The following PRKAG2 variants were observed in gnomAD, a reference collection of about 807,000 sequenced individuals.
PRKAG2 encodes 5'-AMP-activated protein kinase subunit gamma-2.
In PRKAG2, 26 loss-of-function variants were observed where a neutral mutation model predicts 69.6. The observed-to-expected ratio is 0.37, with a 90% CI of 0.27 to 0.52. The LOEUF (loss-of-function observed/expected upper bound fraction) is 0.52. Among genes scored for constraint, PRKAG2 ranks in the 20% least tolerant of loss-of-function variants. The pLI, the probability that PRKAG2 is intolerant of heterozygous loss-of-function variation, is 0.90. For synonymous variants in PRKAG2, 293 were observed against 285.0 expected (o/e 1.03, Z -0.28); for missense variants, 557 against 740.0 (o/e 0.75, Z 2.87).
chr7:151,631,745 C>G (rs937625427), intron 5 of PRKAG2: 2 of 468,530 alleles, frequency 4.3e-6, no homozygotes, highest in Non-Finnish European at 8.5e-6. Flanking sequence ...CAAGCACAAA[C>G]AATTAGCGCT....
At position 151,671,724 on chromosome 7, in the gene PRKAG2, G is replaced by A. The variant is rs944256046; in HGVS notation, c.684+3696C>T. Reference sequence around the variant, plus strand: ...ACCTGCTGCCAGGATGCTGAAAGCAGAAAGGGCTTGAGCCAAACCTTGGCC... The same window carrying A: ...ACCTGCTGCCAGGATGCTGAAAGCAAAAAGGGCTTGAGCCAAACCTTGGCC... On this transcript the variant is annotated intron_variant, in intron 4 of 15. Transcript: ENST00000287878. 5.3e-5 allele frequency among the ~76,000 whole-genome samples: 8 copies of A among 152,278 alleles called. No homozygotes were observed. The East Asian group carries it at 9.6e-4, about 18-fold the overall frequency.
intron 3 of PRKAG2, among the ~76,000 whole-genome samples, chr7:151,700,613 G>T (rs1157952033): frequency 2.0e-5 from 3 of 152,166 alleles, no homozygotes; most frequent in African/African-American, 7.2e-5. Context: ...GAGGTTCCAG[G>T]TAATGCCAGG....
chr7:151,623,085 G>A, intron 5 of PRKAG2, among the ~76,000 whole-genome samples: 1 of 152,146 alleles, frequency 6.6e-6, no homozygotes, highest in East Asian at 1.9e-4. Context: ...TCATAAGGAA[G>A]GCTGGGCACG....
At chr7:151,656,127 A>G (rs1469104612) in intron 4 of PRKAG2, among the ~76,000 whole-genome samples, 2 of 152,348 alleles carry the variant, frequency 1.3e-5, no homozygotes, top group East Asian at 1.9e-4. Context: ...TTTAAAAATT[A>G]TAAGTACATA....
intron 3 of PRKAG2, among the ~76,000 whole-genome samples, chr7:151,735,466 G>C (rs1035971201): frequency 6.6e-6 from 1 of 152,060 alleles, no homozygotes; most frequent in East Asian, 1.9e-4. Flanking sequence ...ATTAGCCCAC[G>C]ATCTGTCAGA....
intron 5 of PRKAG2, among the ~76,000 whole-genome samples, chr7:151,618,303 A>C (rs2151258325): frequency 6.6e-6 from 1 of 152,144 alleles, no homozygotes; most frequent in East Asian, 1.9e-4. Context: ...AAGTACAAAA[A>C]TTAGCCGGGC....
intron 3 of PRKAG2, among the ~76,000 whole-genome samples, chr7:151,729,107 T>C (rs1393331428): frequency 7.3e-6 from 1 of 137,528 alleles, no homozygotes; most frequent in East Asian, 2.1e-4. Context: ...GACAGTGACG[T>C]AGGGAGAACA....
At chr7:151,860,302 T>C (rs544060255) in intron 1 of PRKAG2, among the ~76,000 whole-genome samples, 2 of 152,250 alleles carry the variant, frequency 1.3e-5, no homozygotes, top group Admixed American at 1.3e-4. Flanking sequence ...TTTGCGCCAT[T>C]TGCAGCAGAG....
In PRKAG2 at chr7:151,583,562, TA is replaced by T. The variant is rs1810974819; in HGVS notation, c.865-7111del. On this transcript the variant is annotated intron_variant, in intron 6 of 15. Coordinates refer to ENST00000287878, the MANE Select transcript of PRKAG2 (RefSeq NM_016203.4). The surrounding 1 kb of genome is among the most constrained non-coding windows in gnomAD (Gnocchi z 4.1). Reference sequence around the variant, plus strand: ...GCATGGAGCTGTTTATAAAGCAATTTAAAATCATACTTGGAAAATTCTCCAT... The same window carrying T: ...GCATGGAGCTGTTTATAAAGCAATTTAAATCATACTTGGAAAATTCTCCAT... Among the ~76,000 whole-genome samples the T allele has an allele frequency of 6.6e-6, 1 of 152,180 alleles. No individual in the cohort carries two copies. The highest frequency in any genetic ancestry group is 2.1e-4 in the South Asian group (1 of 4,834).
chr7:151,680,688 T>C (rs1006330819), intron 3 of PRKAG2, among the ~76,000 whole-genome samples: 24 of 152,216 alleles, frequency 1.6e-4, no homozygotes, highest in African/African-American at 5.8e-4. Context: ...TGCTTTGCTT[T>C]TGAGCCAAGA....
intron 1 of PRKAG2, among the ~76,000 whole-genome samples, chr7:151,865,836 G>T (rs536879761): frequency 6.6e-6 from 1 of 152,024 alleles, no homozygotes; most frequent in South Asian, 2.1e-4. Flanking sequence ...TGGCTAACAC[G>T]GTGAAACCCC....
In PRKAG2 at chr7:151,614,071, C is replaced by CG. The variant is rs1394834548; in HGVS notation, c.754+17997dup. Among the ~76,000 whole-genome samples, 1 of 152,112 alleles carries CG rather than the reference C, an allele frequency of 6.6e-6. No homozygotes were observed. Among genetic ancestry groups the CG allele is most frequent in the Non-Finnish European group, 1.5e-5 (1 of 68,000 alleles). ...ACCTTACCTCCAACTCAGACACCCC[C>CG]GCTCCAGTGACCAACTCTCTGGTCT... On this transcript the variant is annotated intron_variant, in intron 5 of 15. Transcript: ENST00000287878. This position sits in a 1 kb window ranked among gnomAD's most constrained non-coding sequence, Gnocchi z 4.4.
At chr7:151,841,985 CGTAGTG>C (rs1278486176) in intron 1 of PRKAG2, among the ~76,000 whole-genome samples, 2 of 48,508 alleles carry the variant, frequency 4.1e-5, no homozygotes, top group African/African-American at 1.7e-4. Flanking sequence ...AGTGATGGTA[CGTAGTG>C]ATGGTAGGTA....
chr7:151,689,077 C>T (rs1835221656), intron 3 of PRKAG2, among the ~76,000 whole-genome samples: 1 of 152,204 alleles, frequency 6.6e-6, no homozygotes, highest in African/African-American at 2.4e-5. Flanking sequence ...GATCACGCCT[C>T]GCTGGGACCC....
chr7:151,706,724 G>A (rs139719982), intron 3 of PRKAG2, among the ~76,000 whole-genome samples: 61 of 152,372 alleles, frequency 4.0e-4, no homozygotes, highest in African/African-American at 1.1e-3. Context: ...CAGACTAGGC[G>A]TTAGCTGTGG....
intron 5 of PRKAG2, among the ~76,000 whole-genome samples, chr7:151,601,325 C>T (rs899535667): frequency 2.0e-5 from 3 of 152,174 alleles, no homozygotes; most frequent in Non-Finnish European, 2.9e-5. Context: ...CCTTCTATCT[C>T]GTTAACAGTG....
At chr7:151,779,354 C>G (rs1343431266) in intron 3 of PRKAG2, among the ~76,000 whole-genome samples, 1 of 152,196 alleles carries the variant, frequency 6.6e-6, no homozygotes, top group African/African-American at 2.4e-5. Context: ...TGCTGGGCTC[C>G]CAAAGGGACC....
Position 151,576,469 on chromosome 7 carries a change from G to C in PRKAG2, c.865-17C>G. On this transcript the variant is annotated splice_polypyrimidine_tract_variant and intron_variant, in intron 6 of 15. Coordinates refer to ENST00000287878, the MANE Select transcript of PRKAG2 (RefSeq NM_016203.4). ...CTTTTTAACCTGAAGAAAAAGAGGA[G>C]AAACAAAACATACTTTCAAAGTCCA... is the stretch of plus-strand genomic sequence containing the variant. 1 of 1,553,928 alleles carries C rather than the reference G, an allele frequency of 6.4e-7. No individual in the cohort carries two copies. Among genetic ancestry groups the C allele is most frequent in the Middle Eastern group, 1.7e-4 (1 of 5,966 alleles).
In PRKAG2 at chr7:151,754,709, C is replaced by A. The variant is rs1417843004; in HGVS notation, c.466+26443G>T. The stretch of plus-strand genomic sequence containing the variant: ...AGTCCCTGTTCTCCCGCCCACCCAA[C>A]CCCCTCCGCCGCACCTGACTCCCCA... On this transcript the variant is annotated intron_variant, in intron 3 of 15. Transcript: ENST00000287878. 2.5e-4 allele frequency among the ~76,000 whole-genome samples: 35 copies of A among 137,718 alleles called. No homozygotes were observed. In the South Asian group the frequency reaches 8.3e-3, roughly 33 times the overall value. 90.3% of individuals were successfully genotyped at this position (137,718 alleles called of 152,430 possible). A position where few individuals can be genotyped will look rare whatever the true frequency, so the allele number is the denominator to read the frequency against.
Sources: allele counts gnomAD v4.1 joint callset (sites outside exome capture counted in the v4.1 genomes callset), GRCh38; gene constraint gnomAD v4.1.1; non-coding constraint Gnocchi (gnomAD v3.1); transcripts MANE v1.5; gene names NCBI Gene and HGNC (gene_info 2026-07-23, HGNC 2026-07-21).